The following ITGA2B variants were observed in gnomAD, a reference collection of about 807,000 sequenced individuals.
ITGA2B encodes the protein integrin alpha-IIb.
In ITGA2B, 91 loss-of-function variants were observed where a neutral mutation model predicts 142.0. That is an observed-to-expected ratio of 0.64 (90% CI 0.54 to 0.76). ITGA2B has a LOEUF of 0.76. Ranked by LOEUF, ITGA2B falls within the 30% of genes least tolerant of loss-of-function variation. ITGA2B has a pLI of 0.00. For missense variants in ITGA2B, 1,231 were observed against 1,350.8 expected, an observed-to-expected ratio of 0.91 and a Z score of 1.39; for synonymous variants, 536 against 567.2, an observed-to-expected ratio of 0.94 and a Z score of 0.78.
At position 44,378,427 on chromosome 17, in the gene ITGA2B, C is replaced by T. The variant is rs2143450843; in HGVS notation, c.2029G>A (p.Glu677Lys). 1.2e-6 allele frequency: 2 copies of T among 1,613,526 alleles called. No individual in the cohort carries two copies. The highest frequency in any genetic ancestry group is 1.7e-6 in the Non-Finnish European group (2 of 1,179,946). The change falls in exon 20 of 30, where the codon GAA becomes AAA. Residue 677 changes from glutamate to lysine, a missense_variant. Coordinates refer to ENST00000262407, the MANE Select transcript of ITGA2B (RefSeq NM_000419.5). ...GGCAGGTGCACGGCCAGCTCTGCTT[C>T]ATAGGCCCCCTCGCCCTCGTTGGCT... Reference protein sequence around the residue: ...DAANEGEGAYEAELAVHLPQG... With the variant: ...DAANEGEGAYKAELAVHLPQG...
rs141885563 is a variant in ITGA2B, at chr17:44,379,721, C to A, written c.1846G>T (p.Val616Leu). Residue 616 changes from valine (V) to leucine (L), a missense_variant, in exon 18 of 30, where the codon GTG (valine) becomes TTG (leucine). Val to Leu is a conservative substitution (Grantham distance 32). This residue lies in a region of ITGA2B where 908 missense variants were observed against 1,021.1 expected (regional missense o/e 0.89). Transcript: ENST00000262407. Reference sequence around the variant, plus strand: ...TGCACATGGGTGTCTCCATGCAGCACGACAGCAGGGGCCATTCCAGCCTCC... The same window carrying A: ...TGCACATGGGTGTCTCCATGCAGCAAGACAGCAGGGGCCATTCCAGCCTCC... ...PTEAGMAPAV[V>L]LHGDTHVQEQ... 1.9e-6 allele frequency: 3 copies of A among 1,613,838 alleles called. No individual in the cohort carries two copies. Among genetic ancestry groups the A allele is most frequent in the Admixed American group, 1.7e-5 (1 of 60,004 alleles).
chr17:44,379,576 G>A (rs1396507873), intron 18 of ITGA2B, 113 bp downstream of exon 18: 3 of 1,539,122 alleles, frequency 1.9e-6, no homozygotes, highest in African/African-American at 1.4e-5. Context: ...TTTCATTAGG[G>A]TTTGGAATGA....
At chr17:44,377,593 C>T (rs2048556239) in intron 21 of ITGA2B, 105 bp downstream of exon 21, 9 of 834,052 alleles carry the variant, frequency 1.1e-5, no homozygotes, top group Non-Finnish European at 1.6e-5. Context: ...AGTGTGAGGA[C>T]CAAGATTCTG....
At position 44,375,048 on chromosome 17, in the gene ITGA2B, G is replaced by C. The variant is rs867277020; in HGVS notation, c.2791C>G (p.Arg931Gly). 5 of 1,431,662 alleles carry C rather than the reference G, an allele frequency of 3.5e-6. No individual in the cohort carries two copies. The highest frequency in any genetic ancestry group is 4.6e-6 in the Non-Finnish European group (5 of 1,075,978). The allele number at this position is 1,431,662 out of a possible 1,614,324, so 88.7% of individuals were successfully genotyped here. The change falls in exon 27 of 30, where the codon CGG becomes GGG. Residue 931 changes from arginine (R) to glycine (G), a missense_variant. Physicochemically the swap from Arg to Gly is moderately radical, Grantham distance 125 (BLOSUM62 -2). This residue lies in a region of ITGA2B where 908 missense variants were observed against 1,021.1 expected (regional missense o/e 0.89). Transcript: ENST00000262407. ...AAGGCCAGCACCGTGACCATGGCCC[G>C]CTGCCCGCGCGCCATCTCCTGCAGG... ...CDLQEMARGQ[R>G]AMVTVLAFLW...
Position 44,385,882 on chromosome 17 carries a change from G to T in ITGA2B, c.350C>A (p.Thr117Asn). 6.2e-7 allele frequency: 1 copy of T among 1,609,386 alleles called. No individual in the cohort carries two copies. Among genetic ancestry groups the T allele is most frequent in the Non-Finnish European group, 8.5e-7 (1 of 1,177,608 alleles). Residue 117 changes from threonine (T) to asparagine (N), a missense_variant, in exon 3 of 30, where the codon ACC (threonine) becomes AAC (asparagine). Thr to Asn is a moderately conservative substitution (Grantham distance 65). Coordinates refer to ENST00000262407, the MANE Select transcript of ITGA2B (RefSeq NM_000419.5). ...CCCCAGTCCTTGGCGGGCCTTGAAGGTTTGTAAAGTTTGGGAGCCTACATT... is the reference window on the plus strand; with the variant it reads ...CCCCAGTCCTTGGCGGGCCTTGAAGTTTTGTAAAGTTTGGGAGCCTACATT... Reference protein sequence around the residue: ...TRNVGSQTLQTFKARQGLGAS... With the variant: ...TRNVGSQTLQNFKARQGLGAS...
At chr17:44,380,328 G>C (rs1390746002) in intron 15 of ITGA2B, 27 bp from the exon 16 acceptor site, 1 of 1,614,178 alleles carries the variant, frequency 6.2e-7, no homozygotes, top group Non-Finnish European at 8.5e-7. Context: ...GGGGCTCAGG[G>C]GTTGGAGCCT....
chr17:44,377,013 G>C lies in ITGA2B; in HGVS notation c.2263C>G (p.Arg755Gly). Residue 755 changes from arginine to glycine, a missense_variant, in exon 22 of 30, where the codon CGG becomes GGG. Coordinates refer to ENST00000262407, the MANE Select transcript of ITGA2B (RefSeq NM_000419.5). ...GESVSFQLQI[R>G]SKNSQNPNSK... is the part of the protein sequence containing the mutation. ...GCACGCTCGCCAGGTCAGTACCTCCGTATCTGCAGCTGGAAGGACACAGAC... is the reference window on the plus strand; with the variant it reads ...GCACGCTCGCCAGGTCAGTACCTCCCTATCTGCAGCTGGAAGGACACAGAC... 1 of 1,588,470 alleles carries C rather than the reference G, an allele frequency of 6.3e-7. No individual in the cohort carries two copies. The highest frequency in any genetic ancestry group is 8.6e-7 in the Non-Finnish European group (1 of 1,167,976).
chr17:44,374,971 G>GCCCCCCCCCCC, intron 27 of ITGA2B, 27 bp downstream of exon 27: 21 of 1,489,310 alleles, frequency 1.4e-5, no homozygotes, highest in Admixed American at 2.0e-5. Context: ...AGAAGGCCCG[G>GCCCCCCCCCCC]CCCCGCCCCA....
In ITGA2B at chr17:44,382,362, T is replaced by G. The variant is rs1464090072; in HGVS notation, c.1210+1131A>C. Among the ~76,000 whole-genome samples the G allele has an allele frequency of 3.3e-5, 5 of 152,228 alleles. No individual in the cohort carries two copies. The South Asian group carries it at 1.0e-3, about 32-fold the overall frequency. ...TACCACAAACCTGTTGAAAGAGCTGTCTACATTAGCTGCATCCAATTTTTC... is the reference window on the plus strand; with the variant it reads ...TACCACAAACCTGTTGAAAGAGCTGGCTACATTAGCTGCATCCAATTTTTC... On this transcript the variant is annotated intron_variant, in intron 12 of 29. Coordinates refer to ENST00000262407, the MANE Select transcript of ITGA2B (RefSeq NM_000419.5).
intron 18 of ITGA2B, among the ~76,000 whole-genome samples, chr17:44,378,985 G>C (rs957689484): frequency 6.6e-6 from 1 of 152,052 alleles, no homozygotes; most frequent in Non-Finnish European, 1.5e-5. Context: ...TCGCTCTGTC[G>C]TCCAGGCTGG....
intron 7 of ITGA2B, 62 bp from the exon 8 acceptor site, chr17:44,384,647 A>G: frequency 1.3e-6 from 2 of 1,582,870 alleles, no homozygotes; most frequent in South Asian, 2.2e-5. Flanking sequence ...GACGGAGGGC[A>G]AAGAAGGAGG....
Position 44,385,215 on chromosome 17 carries a change from A to C in ITGA2B, c.625-6T>G. 6.2e-7 allele frequency: 1 copy of C among 1,614,014 alleles called. No homozygotes were observed. The highest frequency in any genetic ancestry group is 1.7e-5 in the Admixed American group (1 of 60,022). The stretch of plus-strand genomic sequence containing the variant: ...CCAAGCACCAGCTCTCCGGCCTGGA[A>C]GGGAAGTCCTGAGGGTGAGAGGGGG... On this transcript the variant is annotated splice_polypyrimidine_tract_variant and splice_region_variant and intron_variant, in intron 5 of 29. Transcript: ENST00000262407.
intron 27 of ITGA2B, 42 bp from the exon 28 acceptor site, chr17:44,374,802 G>C (rs367581761): frequency 6.5e-7 from 1 of 1,548,744 alleles, no homozygotes; most frequent in Non-Finnish European, 8.9e-7. Flanking sequence ...CCCACAAGAG[G>C]CCTATTGGTT....
intron 27 of ITGA2B, 75 bp downstream of exon 27, chr17:44,374,923 C>G: frequency 7.2e-7 from 1 of 1,383,228 alleles, no homozygotes; most frequent in South Asian, 1.2e-5. Context: ...CCTCCCACAC[C>G]AAACCCCGCC....
In ITGA2B at chr17:44,385,145, T is replaced by G. The variant is rs2048633275; in HGVS notation, c.670+19A>C. On this transcript the variant is annotated intron_variant, in intron 6 of 29. Transcript: ENST00000262407. The stretch of plus-strand genomic sequence containing the variant: ...CTTGGGCCGCGAGAAGGGAGGGAGG[T>G]GTACGGATGGGCACGTACCTAAGAA... The G allele has an allele frequency of 6.2e-7, 1 of 1,612,964 alleles. No homozygotes were observed. The highest frequency in any genetic ancestry group is 1.3e-5 in the African/African-American group (1 of 74,576).
intron 29 of ITGA2B, chr17:44,373,790 G>A (rs2048515920): frequency 5.8e-6 from 1 of 172,074 alleles, no homozygotes; most frequent in African/African-American, 2.4e-5. Flanking sequence ...GTGTCTAAAG[G>A]CCTCAGAATT....
In ITGA2B at chr17:44,380,365, C is replaced by A. The variant is rs886203699; in HGVS notation, c.1544+21G>T. On this transcript the variant is annotated intron_variant, in intron 15 of 29. Coordinates refer to ENST00000262407, the MANE Select transcript of ITGA2B (RefSeq NM_000419.5). ...TCTGAGGTCCCAGATCCTTTAAGGC[C>A]CATGCCCTCTGCCTCCTCACCAGCT... The A allele has an allele frequency of 2.0e-5, 32 of 1,613,962 alleles. No homozygotes were observed. The Admixed American group carries it at 2.2e-4, about 11-fold the overall frequency.
At chr17:44,374,323 G>T (rs13447343) in intron 29 of ITGA2B, 31 bp downstream of exon 29, 1 of 1,591,906 alleles carries the variant, frequency 6.3e-7, no homozygotes, top group South Asian at 1.1e-5. Context: ...CCTGTGCCCC[G>T]CTGGGGACTC....
intron 29 of ITGA2B, chr17:44,373,922 T>TC (rs904911408): frequency 4.3e-4 from 85 of 199,546 alleles, no homozygotes; most frequent in African/African-American, 1.9e-3. Context: ...TCTTTTTTTT[T>TC]TGAGATGGAG....
Sources: allele counts gnomAD v4.1 joint callset (sites outside exome capture counted in the v4.1 genomes callset), GRCh38; gene constraint gnomAD v4.1.1; regional missense constraint gnomAD v4.1.1; transcripts MANE v1.5; gene names NCBI Gene and HGNC (gene_info 2026-07-23, HGNC 2026-07-21).